The following EBF4 variants were observed in gnomAD, a reference collection of about 807,000 sequenced individuals.
EBF4 encodes transcription factor COE4.
In EBF4, 34 loss-of-function variants were observed where a neutral mutation model predicts 67.1. The ratio of observed to expected loss-of-function variants is 0.51; its 90% CI spans 0.39 to 0.67. The LOEUF (loss-of-function observed/expected upper bound fraction) is 0.67. EBF4 is among the 30% of genes least tolerant of loss of function. EBF4 has a pLI of 0.00. For missense variants in EBF4, 837 were observed against 873.3 expected (o/e 0.96, Z 0.52); for synonymous variants, 387 against 377.7 (o/e 1.02, Z -0.29).
intron 1 of EBF4, among the ~76,000 whole-genome samples, chr20:2,697,599 C>T (rs1346329826): frequency 6.6e-6 from 1 of 151,828 alleles, no homozygotes; most frequent in African/African-American, 2.4e-5. Flanking sequence ...GGGCTGCATA[C>T]CCTTAAACTG....
At chr20:2,694,829 G>C (rs925523973) in intron 1 of EBF4, among the ~76,000 whole-genome samples, 2 of 152,182 alleles carry the variant, frequency 1.3e-5, no homozygotes, top group Admixed American at 1.3e-4. Flanking sequence ...AACTGAAGCC[G>C]TTTCTGCACG....
At chr20:2,705,718 C>T (rs1274397161) in exon 2 of EBF4, 11 of 1,548,022 alleles carry the variant, frequency 7.1e-6, no homozygotes, top group Admixed American at 3.9e-5. Flanking sequence ...TCATCGACTT[C>T]GTGGAAAAGG....
At chr20:2,729,637 T>G (rs936933096) in intron 6 of EBF4, among the ~76,000 whole-genome samples, 1 of 152,130 alleles carries the variant, frequency 6.6e-6, no homozygotes, top group Non-Finnish European at 1.5e-5. Flanking sequence ...TAGAGAGAGA[T>G]GATGAGCTCA....
In EBF4 at chr20:2,749,538, C is replaced by A; in HGVS notation, c.757+20C>A. On this transcript the variant is annotated intron_variant, in intron 8 of 16. Coordinates refer to ENST00000609451, the Ensembl canonical transcript of EBF4. ...CCGAAGGTCAGGACCCCCGGCCCAG[C>A]CCCGGCCGCCGCGGGCCCAGCCAGC... 6.5e-7 allele frequency: 1 copy of A among 1,540,624 alleles called. No homozygotes were observed. The highest frequency in any genetic ancestry group is 1.4e-5 in the African/African-American group (1 of 72,748).
chr20:2,694,706 A>ATTCTGAATGG (rs1352246506), intron 1 of EBF4, among the ~76,000 whole-genome samples: 1 of 152,124 alleles, frequency 6.6e-6, no homozygotes, highest in Non-Finnish European at 1.5e-5. Context: ...GCCCGAAGGG[A>ATTCTGAATGG]TTCTGAATGG....
intron 14 of EBF4, among the ~76,000 whole-genome samples, chr20:2,753,728 AG>A (rs2088194062): frequency 6.6e-6 from 1 of 152,200 alleles, no homozygotes; most frequent in Non-Finnish European, 1.5e-5. Flanking sequence ...CTTTCCTTGC[AG>A]GGCGTGTGTC....
intron 1 of EBF4, among the ~76,000 whole-genome samples, chr20:2,701,928 C>G (rs2087381384): frequency 1.3e-5 from 2 of 152,174 alleles, no homozygotes; most frequent in African/African-American, 4.8e-5. Flanking sequence ...TTAGCATATT[C>G]ATCAACAGTA....
At chr20:2,752,424 C>T in exon 14 of EBF4, 3 of 1,296,084 alleles carry the variant, frequency 2.3e-6, no homozygotes, top group Non-Finnish European at 2.9e-6. Context: ...CGCAGCAGAG[C>T]GGCTACGGCG....
chr20:2,745,229 G>T lies in EBF4; in HGVS notation c.558-3320G>T, dbSNP rs1435049697. ...GTGACGCTGACGCTGCTGGTCTTAGGGGGTGGTGCAGGCTCTCTGACTGGG... is the reference window on the plus strand; with the variant it reads ...GTGACGCTGACGCTGCTGGTCTTAGTGGGTGGTGCAGGCTCTCTGACTGGG... On this transcript the variant is annotated intron_variant, in intron 6 of 16. Transcript: ENST00000609451. This position sits in a 1 kb window ranked among gnomAD's most constrained non-coding sequence, Gnocchi z 5.2. Among the ~76,000 whole-genome samples the T allele has an allele frequency of 6.6e-6, 1 of 152,190 alleles. No homozygotes were observed. The highest frequency in any genetic ancestry group is 1.5e-5 in the Non-Finnish European group (1 of 68,038).
At chr20:2,759,179 A>G (rs900377723) in intron 16 of EBF4, 89 bp from the exon 17 acceptor site, 3 of 601,010 alleles carry the variant, frequency 5.0e-6, no homozygotes, top group Admixed American at 2.9e-5. Context: ...CAGTAACCCA[A>G]GCTGACCAGG....
intron 6 of EBF4, among the ~76,000 whole-genome samples, chr20:2,733,296 G>A (rs1002504225): frequency 3.9e-5 from 6 of 152,182 alleles, no homozygotes; most frequent in Non-Finnish European, 1.5e-5. Flanking sequence ...TATATATGAC[G>A]AGTTACTTCT....
intron 7 of EBF4, 68 bp downstream of exon 7, chr20:2,748,698 A>G: frequency 1.3e-6 from 2 of 1,506,914 alleles, no homozygotes; most frequent in African/African-American, 1.4e-5. Flanking sequence ...GGGAGGGGGA[A>G]GGGAAGGCTG....
At chr20:2,740,171 G>A (rs1165366368) in intron 6 of EBF4, among the ~76,000 whole-genome samples, 1 of 152,150 alleles carries the variant, frequency 6.6e-6, no homozygotes, top group African/African-American at 2.4e-5. Context: ...AAATTAGCTG[G>A]GCATGGTGGC....
At chr20:2,701,909 G>A (rs571235173) in intron 1 of EBF4, among the ~76,000 whole-genome samples, 1 of 152,314 alleles carries the variant, frequency 6.6e-6, no homozygotes, top group South Asian at 2.1e-4. Flanking sequence ...GCTCAGGGTT[G>A]AGGCCTCATT....
In EBF4 at chr20:2,745,038, G is replaced by T. The variant is rs902861861; in HGVS notation, c.558-3511G>T. The stretch of plus-strand genomic sequence containing the variant: ...GCCACACTGCAAGGGTTCATGCCGC[G>T]TGGGGCTGGTGGCTATAGTAATGGG... On this transcript the variant is annotated intron_variant, in intron 6 of 16. Transcript: ENST00000609451. This position sits in a 1 kb window ranked among gnomAD's most constrained non-coding sequence, Gnocchi z 5.2. Among the ~76,000 whole-genome samples the T allele has an allele frequency of 1.3e-5, 2 of 152,170 alleles. No individual in the cohort carries two copies. Among genetic ancestry groups the T allele is most frequent in the Non-Finnish European group, 2.9e-5 (2 of 68,040 alleles).
Position 2,739,098 on chromosome 20 carries a change from C to A in EBF4, c.558-9451C>A, listed in dbSNP as rs529236928. ...CAGGAAGCAGCCTGGGCCAACCCCACATGGGCCTGAACTATTACAGTAAGC... is the reference window on the plus strand; with the variant it reads ...CAGGAAGCAGCCTGGGCCAACCCCAAATGGGCCTGAACTATTACAGTAAGC... On this transcript the variant is annotated intron_variant, in intron 6 of 16. Transcript: ENST00000609451. This position sits in a 1 kb window ranked among gnomAD's most constrained non-coding sequence, Gnocchi z 4.5. 9.7e-4 allele frequency among the ~76,000 whole-genome samples: 148 copies of A among 152,324 alleles called. 1 individual carries two copies. The highest frequency in any genetic ancestry group is 3.2e-3 in the African/African-American group (133 of 41,574).
At chr20:2,757,493 A>C (rs1382790629) in intron 15 of EBF4, among the ~76,000 whole-genome samples, 1 of 152,200 alleles carries the variant, frequency 6.6e-6, no homozygotes, top group Non-Finnish European at 1.5e-5. Flanking sequence ...TTGGTGACCC[A>C]TCCAGAGGGT....
At position 2,751,600 on chromosome 20, in the gene EBF4, T is replaced by C; in HGVS notation, c.1019-100T>C. On this transcript the variant is annotated intron_variant, in intron 10 of 16. Transcript: ENST00000609451. This position sits in a 1 kb window ranked among gnomAD's most constrained non-coding sequence, Gnocchi z 5.2. The stretch of plus-strand genomic sequence containing the variant: ...CTGGTGGAGGGGGCTGCAGCGAGGC[T>C]CTCGGACTGGGCGCTGGCCTGCTTT... 7.2e-6 allele frequency: 9 copies of C among 1,247,538 alleles called. No individual in the cohort carries two copies. The South Asian group carries it at 7.9e-5, about 11-fold the overall frequency. The allele number at this position is 1,247,538 out of a possible 1,614,324, so 77.3% of individuals were successfully genotyped here. A position where few individuals can be genotyped will look rare whatever the true frequency, so the allele number is the denominator to read the frequency against.
Position 2,707,318 on chromosome 20 carries a change from C to G in EBF4, c.415-629C>G, listed in dbSNP as rs1159340406. Among the ~76,000 whole-genome samples, 1 of 152,054 alleles carries G rather than the reference C, an allele frequency of 6.6e-6. No individual in the cohort carries two copies. Among genetic ancestry groups the G allele is most frequent in the Non-Finnish European group, 1.5e-5 (1 of 68,012 alleles). ...CACAGAGGGTTATAAACTAGGAAGG[C>G]AGATTTGCAGTTAGGAAGCTCACTT... On this transcript the variant is annotated intron_variant, in intron 4 of 16. Coordinates refer to ENST00000609451, the Ensembl canonical transcript of EBF4. This position sits in a 1 kb window ranked among gnomAD's most constrained non-coding sequence, Gnocchi z 4.6.
Sources: allele counts gnomAD v4.1 joint callset (sites outside exome capture counted in the v4.1 genomes callset), GRCh38; gene constraint gnomAD v4.1.1; non-coding constraint Gnocchi (gnomAD v3.1); transcripts MANE v1.5; gene names NCBI Gene and HGNC (gene_info 2026-07-23, HGNC 2026-07-21).